Variants in DNAH9 observed in about 807,000 individuals in gnomAD.
The protein encoded by DNAH9 is dynein axonemal heavy chain 9, also known as DNAH9 variant protein.
In DNAH9, 345 loss-of-function variants were observed where a neutral mutation model predicts 471.6. That is an observed-to-expected ratio of 0.73 (90% CI 0.67 to 0.80). The LOEUF (loss-of-function observed/expected upper bound fraction) is 0.80, where lower values mean the gene tolerates loss of function less well. DNAH9 is among the 30% of genes least tolerant of loss of function. The probability of loss-of-function intolerance (pLI) is 0.00; values close to 1 mark genes in which losing one functional copy is unlikely to be tolerated. For synonymous variants in DNAH9, 2,093 were observed against 2,123.6 expected, an observed-to-expected ratio of 0.99 and a Z score of 0.40; for missense variants, 5,407 against 5,609.2, an observed-to-expected ratio of 0.96 and a Z score of 1.15.
At chr17:11,809,721 C>G (rs1412529741) in intron 44 of DNAH9, among the ~76,000 whole-genome samples, 1 of 152,102 alleles carries the variant, frequency 6.6e-6, no homozygotes, top group Non-Finnish European at 1.5e-5. Context: ...TTGAGTCTTA[C>G]ATATAAGTAA....
intron 61 of DNAH9, among the ~76,000 whole-genome samples, chr17:11,911,385 C>G (rs952418183): frequency 1.3e-5 from 2 of 152,168 alleles, no homozygotes; most frequent in African/African-American, 4.8e-5. Flanking sequence ...TCACATTGAT[C>G]TATGTATCTA....
intron 59 of DNAH9, among the ~76,000 whole-genome samples, chr17:11,896,652 G>A (rs1973227075): frequency 6.6e-6 from 1 of 152,096 alleles, no homozygotes; most frequent in South Asian, 2.1e-4. Context: ...TAAATGCAGA[G>A]AAGTGGAAAC....
chr17:11,934,144 C>T, intron 65 of DNAH9, 73 bp downstream of exon 65: 2 of 1,498,212 alleles, frequency 1.3e-6, no homozygotes, highest in Non-Finnish European at 1.8e-6. Flanking sequence ...CCACGCCGAC[C>T]TGCACCACCA....
intron 61 of DNAH9, among the ~76,000 whole-genome samples, chr17:11,910,648 A>G (rs1382758896): frequency 2.0e-5 from 3 of 152,212 alleles, no homozygotes; most frequent in African/African-American, 7.2e-5. Context: ...TCCAAAACAG[A>G]TGCACCATTT....
intron 49 of DNAH9, among the ~76,000 whole-genome samples, chr17:11,853,619 C>T (rs1410614125): frequency 6.6e-6 from 1 of 152,202 alleles, no homozygotes; most frequent in African/African-American, 2.4e-5. Flanking sequence ...GGTTACAGTG[C>T]TATTCTCTTC....
chr17:11,856,897 A>G (rs1971646169), intron 50 of DNAH9, among the ~76,000 whole-genome samples: 1 of 151,990 alleles, frequency 6.6e-6, no homozygotes, highest in Non-Finnish European at 1.5e-5. Flanking sequence ...TTTTATTTTT[A>G]GAGAAGGGGT....
At chr17:11,830,637 T>C (rs1248860950) in intron 48 of DNAH9, among the ~76,000 whole-genome samples, 1 of 152,008 alleles carries the variant, frequency 6.6e-6, no homozygotes, top group Non-Finnish European at 1.5e-5. Flanking sequence ...AAAGAGAAAA[T>C]CTTGAGATTA....
chr17:11,924,950 T>A (rs1372189139), intron 62 of DNAH9, among the ~76,000 whole-genome samples: 1 of 152,134 alleles, frequency 6.6e-6, no homozygotes, highest in East Asian at 1.9e-4. Context: ...TTACATAGCA[T>A]TTCACAGTAG....
chr17:11,674,691 T>G (rs1265675979), intron 17 of DNAH9, among the ~76,000 whole-genome samples: 1 of 152,222 alleles, frequency 6.6e-6, no homozygotes, highest in Non-Finnish European at 1.5e-5. Flanking sequence ...TCTTAATTTG[T>G]GTGGCCAAAT....
chr17:11,803,653 G>A (rs1001154000), intron 43 of DNAH9, among the ~76,000 whole-genome samples: 4 of 152,168 alleles, frequency 2.6e-5, no homozygotes, highest in Non-Finnish European at 2.9e-5. Context: ...CGGTGCTGAC[G>A]GTTGCAGACT....
Position 11,844,193 on chromosome 17 carries a change from T to C in DNAH9, c.9507+9295T>C, listed in dbSNP as rs78766426. On this transcript the variant is annotated intron_variant, in intron 49 of 68. Coordinates refer to ENST00000262442, the MANE Select transcript of DNAH9 (RefSeq NM_001372.4). ...TAAATGCAGAAACAAAGAACTATATTTAGAAAAGGACTGTTAAATGTGACT... is the reference window on the plus strand; with the variant it reads ...TAAATGCAGAAACAAAGAACTATATCTAGAAAAGGACTGTTAAATGTGACT... Among the ~76,000 whole-genome samples the C allele has an allele frequency of 2.4e-3, 370 of 151,942 alleles. 11 individuals carry two copies. The East Asian group carries it at 0.06, about 25-fold the overall frequency.
chr17:11,813,874 G>A (rs567026403), intron 45 of DNAH9, among the ~76,000 whole-genome samples: 33 of 152,202 alleles, frequency 2.2e-4, no homozygotes, highest in African/African-American at 7.5e-4. Flanking sequence ...TACACACAAA[G>A]CAAAAATATT....
intron 67 of DNAH9, among the ~76,000 whole-genome samples, chr17:11,957,784 T>C (rs929355936): frequency 1.1e-4 from 16 of 152,340 alleles, no homozygotes; most frequent in African/African-American, 3.4e-4. Context: ...GTGTCTTGAC[T>C]GTATCAATGT....
chr17:11,884,915 T>C (rs903810538), intron 56 of DNAH9, among the ~76,000 whole-genome samples: 1 of 151,962 alleles, frequency 6.6e-6, no homozygotes, highest in Non-Finnish European at 1.5e-5. Flanking sequence ...TCCCCACCTC[T>C]TCATCTGTTT....
chr17:11,650,717 C>T (rs2073489185), intron 12 of DNAH9, among the ~76,000 whole-genome samples: 1 of 152,212 alleles, frequency 6.6e-6, no homozygotes, highest in African/African-American at 2.4e-5. Flanking sequence ...AGGCCACCAC[C>T]CTTGGATGGG....
At chr17:11,636,981 G>A (rs2073178533) in intron 9 of DNAH9, among the ~76,000 whole-genome samples, 197 bp downstream of exon 9, 1 of 152,176 alleles carries the variant, frequency 6.6e-6, no homozygotes, top group Non-Finnish European at 1.5e-5. Flanking sequence ...CCCTGTTTCT[G>A]GGGCTGAGAT....
chr17:11,867,266 G>T (rs892218716), intron 50 of DNAH9, among the ~76,000 whole-genome samples: 2 of 152,038 alleles, frequency 1.3e-5, no homozygotes, highest in Non-Finnish European at 2.9e-5. Flanking sequence ...ATTCCCTTCT[G>T]TTTACTGTTT....
At chr17:11,790,929 C>T (rs9896061) in intron 41 of DNAH9, among the ~76,000 whole-genome samples, 16,645 of 152,100 alleles carry the variant, frequency 0.11, 2,510 homozygotes, top group African/African-American at 0.34. Flanking sequence ...TTACCTCTCA[C>T]TGATTTTTGT....
chr17:11,896,352 A>G (rs552480397), intron 59 of DNAH9, among the ~76,000 whole-genome samples: 18 of 152,290 alleles, frequency 1.2e-4, no homozygotes, highest in African/African-American at 4.3e-4. Flanking sequence ...CAACTACTCA[A>G]CTCTGCCAAA....
Sources: allele counts gnomAD v4.1 joint callset (sites outside exome capture counted in the v4.1 genomes callset), GRCh38; gene constraint gnomAD v4.1.1; transcripts MANE v1.5; gene names NCBI Gene and HGNC (gene_info 2026-07-23, HGNC 2026-07-21).